The following RPH3A variants were observed in gnomAD, a reference collection of about 807,000 sequenced individuals.
RPH3A encodes the protein rabphilin 3A.
In RPH3A, 48 loss-of-function variants were observed where a neutral mutation model predicts 102.2. That is an observed-to-expected ratio of 0.47 (90% CI 0.37 to 0.60). The LOEUF is 0.60. Among genes scored for constraint, RPH3A ranks in the 20% least tolerant of loss-of-function variants. The pLI, the probability that RPH3A is intolerant of heterozygous loss-of-function variation, is 0.00. For synonymous variants in RPH3A, 310 were observed against 324.3 expected (o/e 0.96, Z 0.47); for missense variants, 781 against 910.1 (o/e 0.86, Z 1.83).
chr12:112,883,113 T>C (rs932556802), intron 15 of RPH3A, among the ~76,000 whole-genome samples, 180 bp from the exon 16 acceptor site: 1 of 152,150 alleles, frequency 6.6e-6, no homozygotes, highest in African/African-American at 2.4e-5. Context: ...CATTTTTCTG[T>C]GGCCATGATC....
chr12:112,801,931 AG>A (rs373467451), intron 2 of RPH3A, among the ~76,000 whole-genome samples: 6 of 152,158 alleles, frequency 3.9e-5, no homozygotes, highest in African/African-American at 1.4e-4. Flanking sequence ...TATGTTTTTA[AG>A]ATCCATCCAC....
chr12:112,727,248 A>T (rs1402853234), intron 1 of RPH3A, among the ~76,000 whole-genome samples: 1 of 149,722 alleles, frequency 6.7e-6, no homozygotes, highest in Non-Finnish European at 1.5e-5. Context: ...ACGTGCTGGG[A>T]TTACAGGTGG....
intron 1 of RPH3A, among the ~76,000 whole-genome samples, chr12:112,580,915 A>G (rs1349018260): frequency 6.6e-6 from 1 of 152,214 alleles, no homozygotes; most frequent in African/African-American, 2.4e-5. Context: ...TAAGAATTAC[A>G]CTGACATTCA....
intron 1 of RPH3A, among the ~76,000 whole-genome samples, chr12:112,640,195 C>T (rs1284108751): frequency 2.6e-5 from 4 of 151,264 alleles, no homozygotes; most frequent in East Asian, 1.9e-4. Context: ...CGTGGTGGCA[C>T]GTGCCTGTAA....
intron 1 of RPH3A, among the ~76,000 whole-genome samples, chr12:112,606,612 C>G (rs2039599057): frequency 6.6e-6 from 1 of 152,104 alleles, no homozygotes; most frequent in Admixed American, 6.6e-5. Context: ...AACTCCTGAC[C>G]TCAAGTGGAG....
chr12:112,653,613 C>A (rs988802816), intron 1 of RPH3A, among the ~76,000 whole-genome samples: 2 of 151,940 alleles, frequency 1.3e-5, no homozygotes, highest in African/African-American at 2.4e-5. Flanking sequence ...CTTATTATAA[C>A]CTTTTTACTT....
At position 112,713,029 on chromosome 12, in the gene RPH3A, T is replaced by TCTTCCTCTTCC. The variant is rs1565857315; in HGVS notation, c.-139-79114_-139-79113insCTTCCTCTTCC. On this transcript the variant is annotated intron_variant, in intron 1 of 21. Transcript: ENST00000543106. ...CCTCTTCCTCTTCCTCTTCCTCTTC[T>TCTTCCTCTTCC]TCTTCTTCTTCTTCTTCTTCTCCTT... Among the ~76,000 whole-genome samples the TCTTCCTCTTCC allele has an allele frequency of 8.7e-4, 60 of 69,140 alleles. 1 individual carries two copies. Among genetic ancestry groups the TCTTCCTCTTCC allele is most frequent in the South Asian group, 2.9e-3 (4 of 1,370 alleles). The allele number at this position is 69,140 out of a possible 152,430, so 45.4% of individuals were successfully genotyped here.
chr12:112,815,716 G>A (rs970301142), intron 2 of RPH3A, among the ~76,000 whole-genome samples: 1 of 152,082 alleles, frequency 6.6e-6, no homozygotes. Flanking sequence ...GGCAGCCAGG[G>A]GCCATTAAGC....
intron 1 of RPH3A, among the ~76,000 whole-genome samples, chr12:112,729,086 A>G (rs1367244290): frequency 6.6e-6 from 1 of 152,016 alleles, no homozygotes; most frequent in African/African-American, 2.4e-5. Flanking sequence ...TTTTGAAGTC[A>G]TTTGGTCAGC....
intron 5 of RPH3A, among the ~76,000 whole-genome samples, chr12:112,857,358 CA>C (rs2042428300): frequency 6.6e-6 from 1 of 152,170 alleles, no homozygotes; most frequent in South Asian, 2.1e-4. Context: ...CCTCCAGTGG[CA>C]AAAGGGTCTT....
chr12:112,844,966 C>T (rs1263291557), intron 4 of RPH3A, among the ~76,000 whole-genome samples: 1 of 152,216 alleles, frequency 6.6e-6, no homozygotes, highest in African/African-American at 2.4e-5. Flanking sequence ...GGCTGGGGGC[C>T]TCAGTTCCCC....
chr12:112,684,942 C>T (rs767308849), intron 1 of RPH3A, among the ~76,000 whole-genome samples: 28 of 152,142 alleles, frequency 1.8e-4, no homozygotes, highest in South Asian at 4.1e-4. Context: ...GTGGAAGGGA[C>T]AAACAGGCTC....
intron 4 of RPH3A, 96 bp downstream of exon 4, chr12:112,836,598 A>T: frequency 2.0e-6 from 1 of 492,734 alleles, no homozygotes. Flanking sequence ...AGAGATGGTT[A>T]AAAAAGGAAC....
rs186034313 is a variant in RPH3A, at chr12:112,870,653, G to A, written c.796+614G>A. Among the ~76,000 whole-genome samples, 575 of 152,232 alleles carry A rather than the reference G, an allele frequency of 3.8e-3. 14 individuals carry two copies. The highest frequency in any genetic ancestry group is 1.3e-3 in the Non-Finnish European group (91 of 68,010). ...AGCGGCTTCATTTCTTTTGCAGGAA[G>A]GGGCTGTGTCTGGGTCTAAGTCAGA... On this transcript the variant is annotated intron_variant, in intron 10 of 21. Coordinates refer to ENST00000389385, the MANE Select transcript of RPH3A (RefSeq NM_001143854.2).
chr12:112,839,224 A>C (rs1287261913), intron 4 of RPH3A, among the ~76,000 whole-genome samples: 1 of 152,232 alleles, frequency 6.6e-6, no homozygotes, highest in African/African-American at 2.4e-5. Flanking sequence ...CATTAAAAAT[A>C]TCATGGTAAA....
rs79659531 is a variant in RPH3A, at chr12:112,678,683, C to T, written c.-140+103364C>T. On this transcript the variant is annotated intron_variant, in intron 1 of 21. Coordinates refer to the RPH3A transcript ENST00000543106. ...GGCTGGAAGTAGGGAAGAAACCTGACGCAGGATTTAACAGCCTTTCAACAA... is the reference window on the plus strand; with the variant it reads ...GGCTGGAAGTAGGGAAGAAACCTGATGCAGGATTTAACAGCCTTTCAACAA... 4.7e-3 allele frequency among the ~76,000 whole-genome samples: 712 copies of T among 152,238 alleles called. 3 individuals carry two copies. The highest frequency in any genetic ancestry group is 0.016 in the African/African-American group (658 of 41,542).
chr12:112,617,308 C>G (rs1434409091), intron 1 of RPH3A, among the ~76,000 whole-genome samples: 2 of 152,152 alleles, frequency 1.3e-5, no homozygotes, highest in Non-Finnish European at 2.9e-5. Flanking sequence ...GTGTTGGTGG[C>G]AGTATAATTA....
chr12:112,750,554 C>T (rs1177116279), intron 1 of RPH3A, among the ~76,000 whole-genome samples: 4 of 152,158 alleles, frequency 2.6e-5, no homozygotes, highest in Non-Finnish European at 5.9e-5. Flanking sequence ...TTCCCTGATA[C>T]TTCTCCTTGA....
chr12:112,621,613 C>A (rs1166165264), intron 1 of RPH3A, among the ~76,000 whole-genome samples: 1 of 151,066 alleles, frequency 6.6e-6, no homozygotes, highest in African/African-American at 2.4e-5. Context: ...AACTGCAAGG[C>A]GGCAGCGAGG....
Sources: allele counts gnomAD v4.1 joint callset (sites outside exome capture counted in the v4.1 genomes callset), GRCh38; gene constraint gnomAD v4.1.1; transcripts MANE v1.5; gene names NCBI Gene and HGNC (gene_info 2026-07-23, HGNC 2026-07-21).